The following VRK2 variants were observed in gnomAD, a reference collection of about 807,000 sequenced individuals.
VRK2 encodes VRK serine/threonine kinase 2.
In VRK2, 60 loss-of-function variants were observed where a neutral mutation model predicts 57.6. The ratio of observed to expected loss-of-function variants is 1.04; its 90% CI spans 0.85 to 1.29. The LOEUF (loss-of-function observed/expected upper bound fraction) is 1.29. Among genes scored for constraint, VRK2 ranks in the 50% most tolerant of loss-of-function variants. The probability of loss-of-function intolerance (pLI) is 0.00; values close to 1 mark genes in which losing one functional copy is unlikely to be tolerated. For synonymous variants in VRK2, 231 were observed against 199.2 expected, an observed-to-expected ratio of 1.16 and a Z score of -1.35; for missense variants, 705 against 588.1, an observed-to-expected ratio of 1.20 and a Z score of -2.06.
At chr2:58,097,741 A>G (rs1673359843) in intron 7 of VRK2, among the ~76,000 whole-genome samples, 1 of 152,148 alleles carries the variant, frequency 6.6e-6, no homozygotes, top group South Asian at 2.1e-4. Flanking sequence ...ATGCTGGTAT[A>G]AACAAACCTG....
At chr2:58,146,622 G>T in intron 12 of VRK2, 148 bp downstream of exon 12, 1 of 934,494 alleles carries the variant, frequency 1.1e-6, no homozygotes. Context: ...CTAGCCAGCT[G>T]ATAAAATTAA....
rs77822407 is a variant in VRK2, at chr2:57,948,439, T to C, written c.-439+40600T>C. 2.5e-3 allele frequency among the ~76,000 whole-genome samples: 387 copies of C among 152,284 alleles called. 8 individuals carry two copies. In the East Asian group the frequency reaches 0.059, roughly 23 times the overall value. ...TTATCTTTAAAGCTAAACAGTGGCC[T>C]TCAAGAAAATTTTTAGCTGTATCCA... On this transcript the variant is annotated intron_variant, in intron 1 of 15. Transcript: ENST00000417641.
rs151006621 is a variant in VRK2, at chr2:58,146,451, T to C, written c.1159T>C (p.Leu387=). The change falls in exon 12 of 13, where the codon TTG becomes CTG. Residue 387 remains leucine (L), a synonymous_variant. Coordinates refer to ENST00000340157, the MANE Select transcript of VRK2 (RefSeq NM_006296.7). ...KVQKEEKLIG[L]MNNEAAQEST... ...GCAGAAAGAGGAGAAACTGATTGGA[T>C]TGATGAACAATGAAGCAGCTCAGGT... 65 of 1,610,668 alleles carry C rather than the reference T, an allele frequency of 4.0e-5. No individual in the cohort carries two copies. In the African/African-American group the frequency reaches 7.5e-4, roughly 19 times the overall value.
At chr2:58,102,017 G>A (rs1336058905) in intron 7 of VRK2, among the ~76,000 whole-genome samples, 1 of 151,608 alleles carries the variant, frequency 6.6e-6, no homozygotes, top group African/African-American at 2.4e-5. Context: ...ACTGTATATA[G>A]CCAGGTATAG....
chr2:58,045,888 G>A (rs1674704096), upstream of VRK2, among the ~76,000 whole-genome samples: 1 of 152,112 alleles, frequency 6.6e-6, no homozygotes, highest in East Asian at 1.9e-4. Context: ...TTGCTGCCCA[G>A]GCTGGGGTGC....
chr2:57,997,130 G>A (rs538711735), intron 1 of VRK2, among the ~76,000 whole-genome samples: 1 of 152,016 alleles, frequency 6.6e-6, no homozygotes, highest in Non-Finnish European at 1.5e-5. Context: ...GTCATTGATG[G>A]AAAGAAAAAA....
chr2:58,069,867 T>A (rs956908159), intron 2 of VRK2, among the ~76,000 whole-genome samples: 2 of 152,204 alleles, frequency 1.3e-5, no homozygotes, highest in African/African-American at 2.4e-5. Flanking sequence ...GGTTTGGGCT[T>A]CCTTGAGTTC....
chr2:58,012,716 A>G (rs1673450400), intron 1 of VRK2, among the ~76,000 whole-genome samples: 1 of 152,242 alleles, frequency 6.6e-6, no homozygotes, highest in Non-Finnish European at 1.5e-5. Flanking sequence ...AATACACACC[A>G]GACACTTAAG....
chr2:58,103,662 A>G (rs1053374050), intron 7 of VRK2, among the ~76,000 whole-genome samples: 10 of 151,840 alleles, frequency 6.6e-5, no homozygotes. Context: ...AAATTCTACC[A>G]AAAGTACAAA....
chr2:58,048,271 C>T (rs571893565), intron 1 of VRK2, among the ~76,000 whole-genome samples: 1 of 152,146 alleles, frequency 6.6e-6, no homozygotes, highest in African/African-American at 2.4e-5. Context: ...AACTGATGGC[C>T]TAGTATTCTG....
chr2:58,046,148 A>G (rs1257173784), upstream of VRK2, among the ~76,000 whole-genome samples: 5 of 152,206 alleles, frequency 3.3e-5, no homozygotes, highest in Non-Finnish European at 7.3e-5. Flanking sequence ...CCTGGCCACT[A>G]TGAGTCTTTA....
intron 2 of VRK2, among the ~76,000 whole-genome samples, chr2:58,031,980 A>C (rs1001494673): frequency 2.0e-5 from 3 of 152,104 alleles, no homozygotes; most frequent in East Asian, 1.9e-4. Flanking sequence ...TTCACCCTAC[A>C]CAACTTCAAA....
chr2:57,938,344 T>C (rs1670983567), intron 1 of VRK2, among the ~76,000 whole-genome samples: 1 of 152,184 alleles, frequency 6.6e-6, no homozygotes, highest in Admixed American at 6.5e-5. Context: ...GAGAGGACCA[T>C]GGGCAAGACA....
intron 7 of VRK2, among the ~76,000 whole-genome samples, chr2:58,120,340 A>C: frequency 6.6e-6 from 1 of 151,216 alleles, no homozygotes; most frequent in Non-Finnish European, 1.5e-5. Flanking sequence ...ACAAATGTGC[A>C]CCACCATGCC....
chr2:58,096,383 T>C (rs1333043672), intron 7 of VRK2, among the ~76,000 whole-genome samples: 1 of 152,126 alleles, frequency 6.6e-6, no homozygotes, highest in Non-Finnish European at 1.5e-5. Flanking sequence ...TTTGATTCTT[T>C]TGCTTTTCTG....
At chr2:57,956,103 A>G (rs1290328210) in intron 1 of VRK2, among the ~76,000 whole-genome samples, 1 of 152,218 alleles carries the variant, frequency 6.6e-6, no homozygotes, top group Non-Finnish European at 1.5e-5. Flanking sequence ...CATTAAAAAT[A>G]GTATTCAGGC....
At chr2:58,109,632 T>C (rs1376360098) in intron 7 of VRK2, among the ~76,000 whole-genome samples, 1 of 152,134 alleles carries the variant, frequency 6.6e-6, no homozygotes, top group South Asian at 2.1e-4. Flanking sequence ...CCATCAGATC[T>C]CAGGAGAATT....
chr2:58,157,736 C>G (rs1684160377), intron 12 of VRK2, among the ~76,000 whole-genome samples: 1 of 152,176 alleles, frequency 6.6e-6, no homozygotes, highest in Non-Finnish European at 1.5e-5. Flanking sequence ...TGCCGTAGAG[C>G]AGGGGTCAGC....
intron 7 of VRK2, among the ~76,000 whole-genome samples, chr2:58,111,707 G>A (rs1675597432): frequency 6.6e-6 from 1 of 152,022 alleles, no homozygotes; most frequent in African/African-American, 2.4e-5. Context: ...GAGTTCCACA[G>A]ACAGGCCTGT....
Sources: allele counts gnomAD v4.1 joint callset (sites outside exome capture counted in the v4.1 genomes callset), GRCh38; gene constraint gnomAD v4.1.1; transcripts MANE v1.5; gene names NCBI Gene and HGNC (gene_info 2026-07-23, HGNC 2026-07-21).